FAM98C: variants seen among roughly 807,000 people sequenced by gnomAD.
FAM98C encodes tRNA splicing ligase complex subunit 3C, also known as protein FAM98C.
A neutral mutation model predicts 41.1 loss-of-function variants in FAM98C; 38 were observed. The ratio of observed to expected loss-of-function variants is 0.92; its 90% CI spans 0.71 to 1.21. The LOEUF (loss-of-function observed/expected upper bound fraction) is 1.21. FAM98C is among the 50% of genes most tolerant of loss of function. The pLI, the probability that FAM98C is intolerant of heterozygous loss-of-function variation, is 0.00. For synonymous variants in FAM98C, 195 were observed against 216.7 expected (o/e 0.90, Z 0.88); for missense variants, 493 against 484.7 (o/e 1.02, Z -0.16).
At chr19:38,404,837 A>T (rs558869897) in intron 3 of FAM98C, 71 bp from the exon 4 acceptor site, 2 of 1,559,298 alleles carry the variant, frequency 1.3e-6, no homozygotes, top group East Asian at 4.5e-5. Context: ...CCATCAGTGG[A>T]GCTTTTTGAC....
At chr19:38,405,856 A>G (rs1357513279) in intron 6 of FAM98C, 4 of 504,408 alleles carry the variant, frequency 7.9e-6, no homozygotes, top group African/African-American at 6.1e-5. Context: ...GGCATACCCC[A>G]TCATTTTTTT....
At position 38,408,800 on chromosome 19, in the gene FAM98C, A is replaced by T. The variant is rs1307616540; in HGVS notation, c.968A>T (p.Glu323Val). ...CGGGGGGGCCGCCCAAATGAGCTGG[A>T]GCCTCCCATGCCCACCTGGAGGAGC... The part of the protein sequence containing the change: ...PDRGGRPNEL[E>V]PPMPTWRSRR... Residue 323 changes from glutamate to valine, a missense_variant, in exon 8 of 8, where the codon GAG (glutamate) becomes GTG (valine). Transcript: ENST00000252530. The T allele has an allele frequency of 6.2e-7, 1 of 1,613,710 alleles. No individual in the cohort carries two copies.
chr19:38,408,906 G>A lies in FAM98C; in HGVS notation c.*24G>A. ...AAAGGGGGACTGGTGGTCGGGGGCG[G>A]GGGGTCCTCCATGAGATGCTAATGC... On this transcript the variant is annotated 3_prime_UTR_variant, in exon 8 of 8. Transcript: ENST00000252530. The A allele has an allele frequency of 1.3e-6, 2 of 1,543,608 alleles. No homozygotes were observed. The highest frequency in any genetic ancestry group is 2.5e-5 in the South Asian group (2 of 79,450).
At chr19:38,403,309 G>A (rs1387371320) in intron 1 of FAM98C, 29 bp from the exon 2 acceptor site, 1 of 1,492,046 alleles carries the variant, frequency 6.7e-7, no homozygotes, top group African/African-American at 1.5e-5. Flanking sequence ...TGACATCCCC[G>A]CCCCCTCCCG....
chr19:38,403,352 CG>C lies in FAM98C; in HGVS notation c.85del (p.Ala29ArgfsTer39), dbSNP rs1162615164. The C allele has an allele frequency of 4.1e-6, 6 of 1,472,076 alleles. No homozygotes were observed. The Admixed American group carries it at 9.1e-5, about 22-fold the overall frequency. 91.2% of individuals were successfully genotyped at this position (1,472,076 alleles called of 1,614,324 possible). Reference sequence around the variant, plus strand: ...GGTCCCCACAGGTATGGAGGTGTCCCGGGGGCGGCGTCGCGGGGCGCCTCAT... The same window carrying C: ...GGTCCCCACAGGTATGGAGGTGTCCCGGGGCGGCGTCGCGGGGCGCCTCAT... Reference protein sequence around the residue: ...DLLALGYGGVPGAASRGASCP... With the variant: ...DLLALGYGGVXGAASRGASCP... On this transcript the variant is annotated frameshift_variant, in exon 2 of 8. Coordinates refer to ENST00000252530, the MANE Select transcript of FAM98C (RefSeq NM_174905.4). LOFTEE classifies it high-confidence loss of function.
intron 6 of FAM98C, chr19:38,406,442 A>T (rs1339278173): frequency 1.3e-5 from 2 of 154,382 alleles, no homozygotes; most frequent in Non-Finnish European, 2.9e-5. Flanking sequence ...GATTGCAGGC[A>T]TGAGCCACCA....
Position 38,405,002 on chromosome 19 carries a change from G to A in FAM98C, c.444G>A (p.Val148=), listed in dbSNP as rs1971017988. 1 of 1,614,204 alleles carries A rather than the reference G, an allele frequency of 6.2e-7. No individual in the cohort carries two copies. The highest frequency in any genetic ancestry group is 8.5e-7 in the Non-Finnish European group (1 of 1,180,036). Residue 148 remains valine (V), a synonymous_variant, in exon 4 of 8, where the codon GTG becomes GTA. Transcript: ENST00000252530. ...SPRPPLGEGV[V]EGAGMVQELD... is the part of the protein sequence containing the mutation. ...GGCCACCCCTTGGTGAAGGGGTAGT[G>A]GAGGGAGCCGGCATGGTCCAAGAAC...
intron 6 of FAM98C, 165 bp from the exon 7 acceptor site, chr19:38,406,745 A>C: frequency 1.4e-6 from 1 of 700,166 alleles, no homozygotes; most frequent in South Asian, 2.0e-5. Flanking sequence ...CCATCACGCC[A>C]CCACACTCCA....
intron 3 of FAM98C, 98 bp downstream of exon 3, chr19:38,403,792 A>C: frequency 1.5e-6 from 2 of 1,322,560 alleles, no homozygotes; most frequent in Non-Finnish European, 1.9e-6. Context: ...GTGTGGTCAG[A>C]ACTTTGGGGC....
Position 38,405,434 on chromosome 19 carries a change from GCGAC to G in FAM98C, c.633+14_633+17del. 1 of 1,614,146 alleles carries G rather than the reference GCGAC, an allele frequency of 6.2e-7. No homozygotes were observed. On this transcript the variant is annotated intron_variant, in intron 5 of 7. Coordinates refer to ENST00000252530, the MANE Select transcript of FAM98C (RefSeq NM_174905.4). Reference sequence around the variant, plus strand: ...TGCACCCAGATGGGTAAGACTGTGTGCGACTGACTGAATGTGAACTGTGTCCTCA... The same window carrying G: ...TGCACCCAGATGGGTAAGACTGTGTGTGACTGAATGTGAACTGTGTCCTCA...
chr19:38,407,981 CTG>C (rs1971071749), intron 7 of FAM98C: 1 of 151,350 alleles, frequency 6.6e-6, no homozygotes, highest in Middle Eastern at 3.2e-3. Flanking sequence ...GAGCAAGACT[CTG>C]TCTCAAACAA....
At chr19:38,406,621 TA>T (rs532596774) in intron 6 of FAM98C, 20,208 of 258,536 alleles carry the variant, frequency 0.078, 7 homozygotes, top group South Asian at 0.12. Flanking sequence ...TACTAAAAAT[TA>T]AAAAAAAAAA....
rs536032697 is a variant in FAM98C, at chr19:38,405,641, G to T, written c.750+6G>T. On this transcript the variant is annotated splice_donor_region_variant and intron_variant, in intron 6 of 7. Transcript: ENST00000252530. ...ACTGGAGTGACCGGGCAGAGGTGTG[G>T]TGGGCAGGGGACCATGCAGAATTGG... The T allele has an allele frequency of 6.2e-7, 1 of 1,614,050 alleles. No homozygotes were observed. Among genetic ancestry groups the T allele is most frequent in the South Asian group, 1.1e-5 (1 of 91,082 alleles).
In FAM98C at chr19:38,403,472, T is replaced by C; in HGVS notation, c.200T>C (p.Leu67Pro). ...EQQREAGAEV[L>P]SAGDGPGAEE... ...CAGCGAGAGGCGGGCGCGGAGGTGC[T>C]GAGCGCCGGCGACGGTAAACACGGA... Residue 67 changes from leucine (L) to proline (P), a missense_variant, in exon 2 of 8, where the codon CTG becomes CCG. Leu to Pro is a moderately conservative substitution (Grantham distance 98). Coordinates refer to ENST00000252530, the MANE Select transcript of FAM98C (RefSeq NM_174905.4). 1 of 1,405,376 alleles carries C rather than the reference T, an allele frequency of 7.1e-7. No individual in the cohort carries two copies. 87.1% of individuals were successfully genotyped at this position (1,405,376 alleles called of 1,614,324 possible).
chr19:38,407,468 T>C (rs1971058998), intron 7 of FAM98C: 2 of 178,828 alleles, frequency 1.1e-5, no homozygotes, highest in South Asian at 2.3e-4. Context: ...CCTCCCGGGT[T>C]CAAGCGATTC....
In FAM98C at chr19:38,408,493, AG is replaced by A. The variant is rs1285467243; in HGVS notation, c.919-256del. 4 of 387,640 alleles carry A rather than the reference AG, an allele frequency of 1.0e-5. No homozygotes were observed. In the East Asian group the frequency reaches 2.5e-4, roughly 24 times the overall value. The allele number at this position is 387,640 out of a possible 1,614,324, so 24.0% of individuals were successfully genotyped here. On this transcript the variant is annotated intron_variant, in intron 7 of 7. Coordinates refer to ENST00000252530, the MANE Select transcript of FAM98C (RefSeq NM_174905.4). ...AGAATCTCTTGAACCCGGTAGGTGGAGGTTGCAGTGAGCTGAGATCACACCA... is the reference window on the plus strand; with the variant it reads ...AGAATCTCTTGAACCCGGTAGGTGGAGTTGCAGTGAGCTGAGATCACACCA...
In FAM98C at chr19:38,404,909, C is replaced by A. The variant is rs745647258; in HGVS notation, c.351C>A (p.Arg117=). The part of the protein sequence containing the change: ...REPGAGLRLL[R]FLCSELQATR... ...ACAGCACCCATTTATTACTTTCAGGCTTTCTCTGCTCAGAGCTCCAAGCCA... is the reference window on the plus strand; with the variant it reads ...ACAGCACCCATTTATTACTTTCAGGATTTCTCTGCTCAGAGCTCCAAGCCA... The change falls in exon 4 of 8, where the codon CGC becomes CGA. Residue 117 remains arginine, a splice_region_variant and synonymous_variant. Coordinates refer to ENST00000252530, the MANE Select transcript of FAM98C (RefSeq NM_174905.4). 5 of 1,614,046 alleles carry A rather than the reference C, an allele frequency of 3.1e-6. No individual in the cohort carries two copies. In the Admixed American group the frequency reaches 5.0e-5, roughly 16 times the overall value.
intron 4 of FAM98C, 44 bp downstream of exon 4, chr19:38,405,157 C>T: frequency 6.3e-7 from 1 of 1,575,842 alleles, no homozygotes; most frequent in East Asian, 2.3e-5. Context: ...ACCCCACTTT[C>T]CTTGTGGGGG....
Position 38,406,925 on chromosome 19 carries a change from A to G in FAM98C, c.766A>G (p.Met256Val). The change falls in exon 7 of 8, where the codon ATG (methionine) becomes GTG (valine). Residue 256 changes from methionine (M) to valine (V), a missense_variant. Physicochemically the swap from Met to Val is conservative, Grantham distance 21. Transcript: ENST00000252530. ...SDRAEAQGEA[M>V]RAVLIPIREV... ...CCCACTCCAGGCCCAAGGAGAGGCC[A>G]TGAGGGCAGTGCTGATCCCAATTCG... 2 of 1,614,168 alleles carry G rather than the reference A, an allele frequency of 1.2e-6. No individual in the cohort carries two copies. The highest frequency in any genetic ancestry group is 2.2e-5 in the South Asian group (2 of 91,082).
Sources: gnomAD v4.1 joint callset for allele counts on GRCh38, gnomAD v4.1.1 for gene constraint, MANE v1.5 for transcripts, NCBI Gene and HGNC (gene_info 2026-07-23, HGNC 2026-07-21) for gene names.